FAM114A1: variants seen among roughly 807,000 people sequenced by gnomAD.
The protein encoded by FAM114A1 is protein NOXP20.
Under a neutral mutation model 64.3 loss-of-function variants are expected in FAM114A1, and 62 were observed. That is an observed-to-expected ratio of 0.96 (90% confidence interval 0.79 to 1.19). The LOEUF is 1.19. Ranked by LOEUF, FAM114A1 falls within the 50% of genes most tolerant of loss-of-function variation. FAM114A1 has a pLI of 0.00. For synonymous variants in FAM114A1, 254 were observed against 251.1 expected (o/e 1.01, Z -0.11); for missense variants, 645 against 676.3 (o/e 0.95, Z 0.51).
chr4:38,920,632 G>A (rs1392282244), intron 8 of FAM114A1, among the ~76,000 whole-genome samples: 1 of 152,178 alleles, frequency 6.6e-6, no homozygotes, highest in Non-Finnish European at 1.5e-5. Context: ...GAAGACATAG[G>A]CAAACACAAA....
chr4:38,907,799 C>T (rs569311018), intron 6 of FAM114A1, among the ~76,000 whole-genome samples: 15 of 152,020 alleles, frequency 9.9e-5, no homozygotes, highest in Non-Finnish European at 1.9e-4. Context: ...CAGATGTATG[C>T]ATATTATAAT....
intron 4 of FAM114A1, among the ~76,000 whole-genome samples, chr4:38,899,524 A>G (rs1220023571): frequency 6.6e-6 from 1 of 152,232 alleles, no homozygotes; most frequent in Non-Finnish European, 1.5e-5. Flanking sequence ...CATAGCACAC[A>G]GCACTATCTG....
At chr4:38,871,664 A>G (rs1477721915) in intron 2 of FAM114A1, among the ~76,000 whole-genome samples, 1 of 152,072 alleles carries the variant, frequency 6.6e-6, no homozygotes, top group African/African-American at 2.4e-5. Flanking sequence ...GGATAAACTG[A>G]CCTAAGGTAA....
At chr4:38,894,003 A>T (rs951504533) in intron 4 of FAM114A1, among the ~76,000 whole-genome samples, 2 of 152,034 alleles carry the variant, frequency 1.3e-5, no homozygotes, top group Non-Finnish European at 2.9e-5. Flanking sequence ...TCTCTACTAA[A>T]AATACAAAAA....
At chr4:38,912,505 C>T (rs1718651552) in intron 7 of FAM114A1, among the ~76,000 whole-genome samples, 1 of 152,158 alleles carries the variant, frequency 6.6e-6, no homozygotes, top group Admixed American at 6.5e-5. Flanking sequence ...CTGCCTCCCT[C>T]CTGAATAGCT....
At chr4:38,928,481 C>A (rs775664994) in intron 9 of FAM114A1, among the ~76,000 whole-genome samples, 1 of 151,880 alleles carries the variant, frequency 6.6e-6, no homozygotes, top group Non-Finnish European at 1.5e-5. Flanking sequence ...TATTTTAATA[C>A]GTATACTGTC....
At chr4:38,937,744 T>G (rs1721228912) in intron 13 of FAM114A1, among the ~76,000 whole-genome samples, 2 of 152,118 alleles carry the variant, frequency 1.3e-5, no homozygotes, top group Admixed American at 1.3e-4. Context: ...CACTCTTTTT[T>G]TATTTTTTGA....
chr4:38,905,409 A>C (rs1471365622), intron 4 of FAM114A1, 113 bp from the exon 5 acceptor site: 5 of 818,084 alleles, frequency 6.1e-6, no homozygotes, highest in Admixed American at 2.5e-5. Flanking sequence ...TTAAAAAAAA[A>C]AAAAAAGAAA....
chr4:38,936,882 C>T lies in FAM114A1; in HGVS notation c.1536+1092C>T, dbSNP rs889392508. Among the ~76,000 whole-genome samples, 3 of 152,252 alleles carry T rather than the reference C, an allele frequency of 2.0e-5. No individual in the cohort carries two copies. In the South Asian group the frequency reaches 6.2e-4, roughly 32 times the overall value. On this transcript the variant is annotated intron_variant, in intron 13 of 14. Transcript: ENST00000358869. The stretch of plus-strand genomic sequence containing the variant: ...GAGTTTTCTTTGCTTCATTGTGGCA[C>T]TTGACTTTAACCAAAAGAAAAAAAT...
chr4:38,918,067 A>G (rs1361841874), intron 8 of FAM114A1, among the ~76,000 whole-genome samples: 1 of 151,698 alleles, frequency 6.6e-6, no homozygotes, highest in South Asian at 2.1e-4. Context: ...AAAAAAAAAA[A>G]TACAAAATTA....
chr4:38,876,588 G>A (rs1285495001), intron 2 of FAM114A1, among the ~76,000 whole-genome samples: 3 of 152,230 alleles, frequency 2.0e-5, no homozygotes, highest in Admixed American at 2.0e-4. Context: ...TGCCAAGTAA[G>A]AGCTCCAGGA....
intron 3 of FAM114A1, among the ~76,000 whole-genome samples, chr4:38,882,553 C>T (rs949055743): frequency 2.0e-5 from 3 of 152,004 alleles, no homozygotes; most frequent in South Asian, 2.1e-4. Context: ...CACTTGAACC[C>T]GGGAGGCGGA....
At chr4:38,874,500 T>C (rs1714417744) in intron 2 of FAM114A1, among the ~76,000 whole-genome samples, 2 of 152,198 alleles carry the variant, frequency 1.3e-5, no homozygotes, top group South Asian at 4.1e-4. Flanking sequence ...CATTTGCCCA[T>C]TTTTTAATGG....
intron 10 of FAM114A1, among the ~76,000 whole-genome samples, 174 bp from the exon 11 acceptor site, chr4:38,931,277 A>C (rs1180941859): frequency 1.3e-5 from 2 of 152,160 alleles, no homozygotes; most frequent in Admixed American, 6.5e-5. Context: ...ATTTACCAGA[A>C]AGCAACAACA....
Position 38,940,994 on chromosome 4 carries a change from C to T in FAM114A1, c.1563C>T (p.Asn521=), listed in dbSNP as rs908752779. The change falls in exon 14 of 15, where the codon AAC becomes AAT. Residue 521 remains asparagine, a synonymous_variant. Coordinates refer to ENST00000358869, the MANE Select transcript of FAM114A1 (RefSeq NM_138389.4). ...GCAACAAGAAGGCCGAGGTCCTTAA[C>T]CCCATGATCAGTAGTGTATTGTTAG... The part of the protein sequence containing the change: ...VGSNKKAEVL[N]PMISSVLLEG... 39 of 1,614,000 alleles carry T rather than the reference C, an allele frequency of 2.4e-5. No individual in the cohort carries two copies. The highest frequency in any genetic ancestry group is 3.1e-5 in the Non-Finnish European group (37 of 1,180,014).
chr4:38,888,260 G>A (rs1032184286), intron 3 of FAM114A1, among the ~76,000 whole-genome samples: 1 of 151,656 alleles, frequency 6.6e-6, no homozygotes, highest in Non-Finnish European at 1.5e-5. Context: ...GCAGTCACCC[G>A]TAATCCTAGC....
intron 2 of FAM114A1, among the ~76,000 whole-genome samples, chr4:38,876,940 T>C (rs1217654852): frequency 6.6e-6 from 1 of 152,196 alleles, no homozygotes; most frequent in Non-Finnish European, 1.5e-5. Flanking sequence ...TCCCTCTGCC[T>C]CCATATGATA....
rs772129578 is a variant in FAM114A1 at position 38,878,358 on chromosome 4, T to G, written c.280T>G (p.Cys94Gly). The G allele has an allele frequency of 6.2e-7, 1 of 1,613,780 alleles. No individual in the cohort carries two copies. Among genetic ancestry groups the G allele is most frequent in the South Asian group, 1.1e-5 (1 of 91,044 alleles). The stretch of plus-strand genomic sequence containing the variant: ...CGTGACTGAGGATACACTTGCTGAA[T>G]GTATTGATTCCGTCAGCCTTGAGGC... Reference protein sequence around the residue: ...GDVTEDTLAECIDSVSLEAEP... With the variant: ...GDVTEDTLAEGIDSVSLEAEP... The change falls in exon 3 of 15, where the codon TGT becomes GGT. Residue 94 changes from cysteine (C) to glycine (G), a missense_variant. Transcript: ENST00000358869.
chr4:38,923,224 C>T (rs1056823468), intron 9 of FAM114A1, among the ~76,000 whole-genome samples: 2 of 131,736 alleles, frequency 1.5e-5, no homozygotes, highest in African/African-American at 2.9e-5. Context: ...TATGCTGCCA[C>T]TTTTTTTTTT....
Sources: gnomAD v4.1 joint callset for allele counts (sites outside exome capture counted in the v4.1 genomes callset) on GRCh38, gnomAD v4.1.1 for gene constraint, MANE v1.5 for transcripts, NCBI Gene and HGNC (gene_info 2026-07-23, HGNC 2026-07-21) for gene names.